The following PRSS3 variants were observed in gnomAD, a reference collection of about 807,000 sequenced individuals.
PRSS3 encodes the protein serine protease 3.
In PRSS3, 14 loss-of-function variants were observed where a neutral mutation model predicts 20.8. That is an observed-to-expected ratio of 0.67 (90% CI 0.44 to 1.05). The LOEUF (loss-of-function observed/expected upper bound fraction) is 1.05, where lower values mean the gene tolerates loss of function less well. Among genes scored for constraint, PRSS3 ranks in the 50% least tolerant of loss-of-function variants. The pLI, the probability that PRSS3 is intolerant of heterozygous loss-of-function variation, is 0.00. For synonymous variants in PRSS3, 91 were observed against 117.6 expected (o/e 0.77, Z 1.46); for missense variants, 237 against 306.4 (o/e 0.77, Z 1.69).
intron 1 of PRSS3, among the ~76,000 whole-genome samples, chr9:33,777,424 G>A (rs1425615118): frequency 6.6e-6 from 1 of 150,434 alleles, no homozygotes; most frequent in Admixed American, 6.7e-5. Context: ...CGCGGCTCAA[G>A]CCTGTAATCC....
intron 1 of PRSS3, among the ~76,000 whole-genome samples, chr9:33,755,744 A>G (rs1262995808): frequency 6.6e-6 from 1 of 152,148 alleles, no homozygotes; most frequent in Non-Finnish European, 1.5e-5. Flanking sequence ...CTCATCTCCA[A>G]GAACTCATTT....
intron 1 of PRSS3, among the ~76,000 whole-genome samples, chr9:33,760,583 A>G (rs2118790610): frequency 6.6e-6 from 1 of 151,992 alleles, no homozygotes; most frequent in East Asian, 1.9e-4. Flanking sequence ...CATCTCTACT[A>G]AAAATACAAA....
intron 3 of PRSS3, 171 bp downstream of exon 3, chr9:33,798,253 G>T (rs1159633754): frequency 2.1e-6 from 3 of 1,404,636 alleles, no homozygotes; most frequent in Admixed American, 2.1e-5. Flanking sequence ...CAAGGACTTG[G>T]CTCCTAAAAT....
At chr9:33,765,238 GTTT>G (rs1414014813) in intron 1 of PRSS3, among the ~76,000 whole-genome samples, 40 of 152,202 alleles carry the variant, frequency 2.6e-4, no homozygotes, top group Admixed American at 5.2e-4. Context: ...TATACACTAT[GTTT>G]TTTCCTAGAT....
upstream of PRSS3, chr9:33,793,605 A>G (rs1824742285): frequency 1.3e-6 from 1 of 796,582 alleles, no homozygotes; most frequent in Middle Eastern, 6.3e-4. Flanking sequence ...AAGGAATCAG[A>G]TGCACAGTTT....
chr9:33,780,099 C>T (rs1048632697), intron 1 of PRSS3, among the ~76,000 whole-genome samples: 8 of 151,702 alleles, frequency 5.3e-5, no homozygotes, highest in African/African-American at 1.9e-4. Flanking sequence ...CAACTATCCC[C>T]AAGACACATA....
At chr9:33,769,454 T>C (rs956051517) in intron 1 of PRSS3, among the ~76,000 whole-genome samples, 1 of 152,158 alleles carries the variant, frequency 6.6e-6, no homozygotes, top group African/African-American at 2.4e-5. Context: ...ATGGATTGCA[T>C]AGGAGGCCAA....
chr9:33,753,358 G>A (rs1358817505), intron 1 of PRSS3, among the ~76,000 whole-genome samples: 4 of 151,894 alleles, frequency 2.6e-5, no homozygotes, highest in Non-Finnish European at 4.4e-5. Context: ...GAAAAAAAAC[G>A]GATTTAAAAA....
chr9:33,792,406 C>T (rs1295220791), upstream of PRSS3, among the ~76,000 whole-genome samples: 1 of 152,100 alleles, frequency 6.6e-6, no homozygotes, highest in Non-Finnish European at 1.5e-5. Context: ...CATGTAGCAA[C>T]GTGAAGAGGA....
chr9:33,786,093 C>T, intron 1 of PRSS3: 1 of 291,962 alleles, frequency 3.4e-6, no homozygotes, highest in Non-Finnish European at 6.3e-6. Flanking sequence ...TTTGCATATC[C>T]TGCAGAAACT....
intron 1 of PRSS3, among the ~76,000 whole-genome samples, chr9:33,769,075 T>C (rs1823569896): frequency 6.6e-6 from 1 of 152,182 alleles, no homozygotes; most frequent in Non-Finnish European, 1.5e-5. Context: ...TCATGTTTCA[T>C]GGAAAGCAGA....
At chr9:33,751,222 G>A (rs1169635034) in intron 1 of PRSS3, among the ~76,000 whole-genome samples, 3 of 152,218 alleles carry the variant, frequency 2.0e-5, no homozygotes, top group Admixed American at 2.0e-4. Context: ...CTGGGCACTG[G>A]TACCCCGACT....
At chr9:33,794,705 G>A, upstream of PRSS3, 1 of 1,516,938 alleles carries the variant, frequency 6.6e-7, no homozygotes, top group Non-Finnish European at 8.8e-7. Flanking sequence ...CAGGCTGTCA[G>A]CCCTGAGCAG....
intron 1 of PRSS3, among the ~76,000 whole-genome samples, chr9:33,771,586 C>T (rs1823693741): frequency 6.6e-6 from 1 of 150,908 alleles, no homozygotes; most frequent in South Asian, 2.1e-4. Flanking sequence ...CTCAGCCTCC[C>T]AAAGTGCTGG....
At chr9:33,767,809 G>C (rs1823503101) in intron 1 of PRSS3, among the ~76,000 whole-genome samples, 1 of 151,800 alleles carries the variant, frequency 6.6e-6, no homozygotes, top group African/African-American at 2.4e-5. Flanking sequence ...TGGGCAACAA[G>C]AGCGAACCTC....
At chr9:33,754,385 T>C (rs1376364790) in intron 1 of PRSS3, among the ~76,000 whole-genome samples, 1 of 151,908 alleles carries the variant, frequency 6.6e-6, no homozygotes, top group African/African-American at 2.4e-5. Flanking sequence ...TTCTTTATAA[T>C]AAATAATAAT....
intron 1 of PRSS3, among the ~76,000 whole-genome samples, chr9:33,759,897 T>C (rs1466184653): frequency 6.6e-6 from 1 of 152,206 alleles, no homozygotes; most frequent in Non-Finnish European, 1.5e-5. Flanking sequence ...TGCTCACTAA[T>C]GTCAGTGCTG....
intron 1 of PRSS3, among the ~76,000 whole-genome samples, chr9:33,778,979 A>G (rs1211816081): frequency 6.6e-6 from 1 of 152,200 alleles, no homozygotes; most frequent in Non-Finnish European, 1.5e-5. Flanking sequence ...TAAAATTATC[A>G]TGCTAATTAT....
chr9:33,777,603 G>A (rs537711808), intron 1 of PRSS3, among the ~76,000 whole-genome samples: 1 of 150,488 alleles, frequency 6.6e-6, no homozygotes, highest in Non-Finnish European at 1.5e-5. Context: ...CTCTACTCGG[G>A]AGGCTGAGGC....
Sources: allele counts gnomAD v4.1 joint callset (sites outside exome capture counted in the v4.1 genomes callset), GRCh38; gene constraint gnomAD v4.1.1; transcripts MANE v1.5; gene names NCBI Gene and HGNC (gene_info 2026-07-23, HGNC 2026-07-21).